The following CSMD1 variants were observed in gnomAD, a reference collection of about 807,000 sequenced individuals.
CSMD1 encodes CUB and sushi domain-containing protein 1.
Under a neutral mutation model 417.5 loss-of-function variants are expected in CSMD1, and 213 were observed. The ratio of observed to expected loss-of-function variants is 0.51; its 90% CI spans 0.46 to 0.57. The LOEUF is 0.57. Ranked by LOEUF, CSMD1 falls within the 20% of genes least tolerant of loss-of-function variation. The pLI is 0.00. For synonymous variants in CSMD1, 2,862 were observed against 1,736.8 expected, an observed-to-expected ratio of 1.65 and a Z score of -16.11; for missense variants, 6,923 against 4,529.7, an observed-to-expected ratio of 1.53 and a Z score of -15.17.
intron 10 of CSMD1, among the ~76,000 whole-genome samples, chr8:3,566,723 A>G (rs1799727976): frequency 1.3e-5 from 2 of 152,214 alleles, no homozygotes; most frequent in Non-Finnish European, 2.9e-5. Flanking sequence ...CAAAACCACA[A>G]TAAGATACCA....
chr8:4,238,493 A>T (rs1027074512), intron 3 of CSMD1, among the ~76,000 whole-genome samples: 7 of 152,204 alleles, frequency 4.6e-5, no homozygotes, highest in African/African-American at 1.7e-4. Context: ...GAGGCACATT[A>T]AGAGGTGACT....
At position 4,156,322 on chromosome 8, in the gene CSMD1, G is replaced by C. The variant is rs148725682; in HGVS notation, c.416-124223C>G. Among the ~76,000 whole-genome samples the C allele has an allele frequency of 2.1e-3, 326 of 152,162 alleles. 2 individuals are homozygous for C. Among genetic ancestry groups the C allele is most frequent in the African/African-American group, 7.6e-3 (316 of 41,494 alleles). On this transcript the variant is annotated intron_variant, in intron 3 of 69. Transcript: ENST00000635120. ...CTCCTTTTCAATGAAGGCTCTGAAC[G>C]GCCGTGCAAAGTTTATGTTCTCTCT...
intron 43 of CSMD1, among the ~76,000 whole-genome samples, chr8:3,109,720 C>G (rs1816377259): frequency 6.6e-6 from 1 of 152,048 alleles, no homozygotes; most frequent in African/African-American, 2.4e-5. Context: ...TGGGCTCCAA[C>G]AAGAGTGCAG....
rs72331833 is a variant in CSMD1, at chr8:3,720,620, T to TTCTCACACACACACACACACACAC, written c.932-12130_932-12129insGTGTGTGTGTGTGTGTGTGTGAGA. Among the ~76,000 whole-genome samples, 55 of 143,412 alleles carry TTCTCACACACACACACACACACAC rather than the reference T, an allele frequency of 3.8e-4. 1 individual carries two copies. Among genetic ancestry groups the TTCTCACACACACACACACACACAC allele is most frequent in the African/African-American group, 1.1e-3 (40 of 37,928 alleles). 94.1% of individuals were successfully genotyped at this position (143,412 alleles called of 152,430 possible). A position where few individuals can be genotyped will look rare whatever the true frequency, so the allele number is the denominator to read the frequency against. ...CATTGGTGGTCAAAGTCTTTATTCT[T>TTCTCACACACACACACACACACAC]ACACACACACACACACACACACACA... On this transcript the variant is annotated intron_variant, in intron 6 of 69. Transcript: ENST00000635120.
chr8:3,696,709 C>G (rs1487071308), intron 7 of CSMD1, among the ~76,000 whole-genome samples: 1 of 152,050 alleles, frequency 6.6e-6, no homozygotes, highest in Non-Finnish European at 1.5e-5. Context: ...GTCCAATTGT[C>G]CATTTTAATC....
At chr8:3,243,108 T>C (rs541565405) in intron 26 of CSMD1, among the ~76,000 whole-genome samples, 1 of 151,978 alleles carries the variant, frequency 6.6e-6, no homozygotes. Flanking sequence ...GGCGACAAGA[T>C]TGAAAGGAGA....
At chr8:4,584,734 C>A (rs958399159) in intron 2 of CSMD1, among the ~76,000 whole-genome samples, 22 of 152,170 alleles carry the variant, frequency 1.4e-4, no homozygotes, top group Non-Finnish European at 2.5e-4. Flanking sequence ...CCCTTGCCCT[C>A]TGGGTCCTAA....
intron 1 of CSMD1, among the ~76,000 whole-genome samples, chr8:4,835,001 GAAAGAAAGAAAAAAA>G (rs1800388364): frequency 1.4e-5 from 1 of 69,244 alleles, no homozygotes; most frequent in Non-Finnish European, 2.7e-5. Flanking sequence ...AAGAAAGAAA[GAAAGAAAGAAAAAAA>G]AATCACAGTA....
At chr8:3,672,193 T>C (rs1360394554) in intron 7 of CSMD1, among the ~76,000 whole-genome samples, 1 of 152,186 alleles carries the variant, frequency 6.6e-6, no homozygotes, top group Non-Finnish European at 1.5e-5. Context: ...ATAAGTTTGA[T>C]GAAATTGACT....
At chr8:2,980,397 T>C (rs1805302819) in intron 54 of CSMD1, among the ~76,000 whole-genome samples, 1 of 151,722 alleles carries the variant, frequency 6.6e-6, no homozygotes, top group African/African-American at 2.4e-5. Context: ...CTTCTTCTCC[T>C]CCTCCACCTC....
rs768222240 is a variant in CSMD1 at position 3,219,328 on chromosome 8, G to C, written c.4599C>G (p.Ser1533Arg). 5.7e-6 allele frequency: 9 copies of C among 1,585,640 alleles called. No homozygotes were observed. The highest frequency in any genetic ancestry group is 7.7e-6 in the Non-Finnish European group (9 of 1,164,968). The change falls in exon 29 of 70, where the codon AGC becomes AGG. Residue 1533 changes from serine to arginine, a missense_variant. Physicochemically the swap from Ser to Arg is moderately radical, Grantham distance 110. Transcript: ENST00000635120. Reference sequence around the variant, plus strand: ...GAAATGCCAGAAACAGGCTGTTTCCGCTACTCTCTATTCTTTCTGGGGCCT... The same window carrying C: ...GAAATGCCAGAAACAGGCTGTTTCCCCTACTCTCTATTCTTTCTGGGGCCT... Reference protein sequence around the residue: ...GSQAPERIESSGNSLFLAFRS... With the variant: ...GSQAPERIESRGNSLFLAFRS...
intron 5 of CSMD1, among the ~76,000 whole-genome samples, chr8:3,802,039 A>G (rs946600906): frequency 6.6e-6 from 1 of 152,190 alleles, no homozygotes; most frequent in Non-Finnish European, 1.5e-5. Context: ...TAAGCATACA[A>G]AAATTCATGG....
intron 18 of CSMD1, among the ~76,000 whole-genome samples, chr8:3,385,891 G>C (rs980464827): frequency 2.1e-4 from 32 of 151,848 alleles, no homozygotes; most frequent in African/African-American, 7.5e-4. Flanking sequence ...AGTCCATGTT[G>C]CAGATTCACA....
chr8:4,719,336 T>C (rs1185895912), intron 1 of CSMD1, among the ~76,000 whole-genome samples: 1 of 152,132 alleles, frequency 6.6e-6, no homozygotes, highest in Admixed American at 6.5e-5. Context: ...TCTATTTCCT[T>C]CTCTCTCACG....
At chr8:3,307,897 A>T in intron 24 of CSMD1, 76 bp from the exon 25 acceptor site, 1 of 1,521,952 alleles carries the variant, frequency 6.6e-7, no homozygotes, top group Non-Finnish European at 8.9e-7. Context: ...TTTCAAAACC[A>T]AAGCCATTAT....
chr8:3,494,069 G>C (rs530128242), intron 10 of CSMD1, among the ~76,000 whole-genome samples: 6 of 152,192 alleles, frequency 3.9e-5, no homozygotes, highest in African/African-American at 1.4e-4. Flanking sequence ...AAGAAATGTT[G>C]GTTATAGTTA....
chr8:4,484,093 T>C (rs1338102615), intron 2 of CSMD1, among the ~76,000 whole-genome samples: 1 of 152,030 alleles, frequency 6.6e-6, no homozygotes, highest in Non-Finnish European at 1.5e-5. Context: ...AGGGTGTCTG[T>C]TAAACAGGAG....
At chr8:3,046,424 CT>C (rs1811449267) in intron 50 of CSMD1, among the ~76,000 whole-genome samples, 1 of 152,214 alleles carries the variant, frequency 6.6e-6, no homozygotes, top group Non-Finnish European at 1.5e-5. Context: ...CCAAACCAGG[CT>C]TCTGCCCACC....
chr8:2,980,746 C>T (rs556171261), intron 54 of CSMD1, among the ~76,000 whole-genome samples: 47 of 152,262 alleles, frequency 3.1e-4, no homozygotes, highest in African/African-American at 9.9e-4. Flanking sequence ...GAAAGAGGTG[C>T]GCAGGAGACA....
Sources: allele counts gnomAD v4.1 joint callset (sites outside exome capture counted in the v4.1 genomes callset), GRCh38; gene constraint gnomAD v4.1.1; transcripts MANE v1.5; gene names NCBI Gene and HGNC (gene_info 2026-07-23, HGNC 2026-07-21).